Variants in TENM2 observed in about 807,000 individuals in gnomAD.
TENM2 encodes the protein teneurin-2.
Under a neutral mutation model 245.2 loss-of-function variants are expected in TENM2, and 52 were observed. That is an observed-to-expected ratio of 0.21 (90% CI 0.17 to 0.27). The LOEUF (loss-of-function observed/expected upper bound fraction) is 0.27, where lower values mean the gene tolerates loss of function less well. Among genes scored for constraint, TENM2 ranks in the 10% least tolerant of loss-of-function variants. The pLI is 1.00. For missense variants in TENM2, 3,046 were observed against 3,666.8 expected, an observed-to-expected ratio of 0.83 and a Z score of 4.37; for synonymous variants, 1,363 against 1,438.9, an observed-to-expected ratio of 0.95 and a Z score of 1.19.
At chr5:167,465,077 C>T (rs1003568824) in intron 2 of TENM2, among the ~76,000 whole-genome samples, 1 of 152,200 alleles carries the variant, frequency 6.6e-6, no homozygotes, top group Non-Finnish European at 1.5e-5. Flanking sequence ...TTTGGATATT[C>T]ACACATTACT....
chr5:168,077,132 C>T (rs541760717), intron 7 of TENM2, among the ~76,000 whole-genome samples: 1 of 152,102 alleles, frequency 6.6e-6, no homozygotes, highest in Non-Finnish European at 1.5e-5. Flanking sequence ...TCACTTAGAG[C>T]GTGCCTGGCC....
intron 2 of TENM2, among the ~76,000 whole-genome samples, chr5:167,787,568 A>C (rs1246915317): frequency 6.6e-6 from 1 of 152,144 alleles, no homozygotes; most frequent in Non-Finnish European, 1.5e-5. Context: ...CATCCATCCT[A>C]TGTTCTATCA....
At chr5:167,040,916 G>A in the TENM2 span, among the ~76,000 whole-genome samples, 1 of 152,258 alleles carries the variant, frequency 6.6e-6, no homozygotes, top group South Asian at 2.1e-4. Context: ...AGCCTATTAA[G>A]AGAATCGTGA....
At chr5:167,149,981 AG>A in the TENM2 span, among the ~76,000 whole-genome samples, 1 of 152,184 alleles carries the variant, frequency 6.6e-6, no homozygotes, top group Non-Finnish European at 1.5e-5. Context: ...AAGAATGAAA[AG>A]ATAAAAGGAA....
At chr5:167,472,782 C>T (rs767654519) in intron 2 of TENM2, among the ~76,000 whole-genome samples, 5 of 152,154 alleles carry the variant, frequency 3.3e-5, no homozygotes, top group Non-Finnish European at 7.3e-5. Flanking sequence ...ATAAATGCTA[C>T]GTGTGAAGTT....
the TENM2 span, among the ~76,000 whole-genome samples, chr5:167,225,026 T>C: frequency 2.0e-5 from 3 of 152,066 alleles, no homozygotes; most frequent in African/African-American, 7.2e-5. Context: ...TGTATAGAAA[T>C]GCTATTGATT....
intron 1 of TENM2, among the ~76,000 whole-genome samples, chr5:167,360,172 A>G (rs1759619913): frequency 6.6e-6 from 1 of 152,182 alleles, no homozygotes; most frequent in South Asian, 2.1e-4. Context: ...ACCTAAAATA[A>G]AAGTTTTTAA....
At chr5:167,352,792 A>G (rs893107030) in intron 1 of TENM2, among the ~76,000 whole-genome samples, 8 of 152,230 alleles carry the variant, frequency 5.3e-5, no homozygotes, top group Non-Finnish European at 8.8e-5. Flanking sequence ...ATGGTTGTCA[A>G]AGTCGGCATT....
Position 167,350,747 on chromosome 5 carries a change from G to GGGATATATACATAT in TENM2, c.227-24441_227-24428dup, listed in dbSNP as rs1758819952. The stretch of plus-strand genomic sequence containing the variant: ...TATATACATATGGATATATATATAT[G>GGGATATATACATAT]GGATATATACATATGGATATATATA... On this transcript the variant is annotated intron_variant, in intron 1 of 28. Transcript: ENST00000518659. Among the ~76,000 whole-genome samples, 4 of 135,874 alleles carry GGGATATATACATAT rather than the reference G, an allele frequency of 2.9e-5. No individual in the cohort carries two copies. In the South Asian group the frequency reaches 7.4e-4, roughly 25 times the overall value. The allele number at this position is 135,874 out of a possible 152,430, so 89.1% of individuals were successfully genotyped here.
At chr5:167,540,451 G>A (rs547767323) in intron 2 of TENM2, among the ~76,000 whole-genome samples, 87 of 152,272 alleles carry the variant, frequency 5.7e-4, no homozygotes, top group African/African-American at 1.9e-3. Context: ...TTCATGACAC[G>A]TGAAAATTAA....
chr5:167,200,337 A>G, the TENM2 span, among the ~76,000 whole-genome samples: 1 of 152,032 alleles, frequency 6.6e-6, no homozygotes, highest in Non-Finnish European at 1.5e-5. Flanking sequence ...CAGTTTGACC[A>G]AAGTCCTTTG....
At chr5:168,168,074 C>T (rs886845658) in intron 13 of TENM2, among the ~76,000 whole-genome samples, 8 of 152,136 alleles carry the variant, frequency 5.3e-5, no homozygotes, top group African/African-American at 1.2e-4. Flanking sequence ...TTTAGTGCTG[C>T]GTGACTGTGT....
At chr5:167,258,598 T>C in the TENM2 span, among the ~76,000 whole-genome samples, 1 of 152,160 alleles carries the variant, frequency 6.6e-6, no homozygotes, top group Non-Finnish European at 1.5e-5. Flanking sequence ...TAGAATTCTA[T>C]TATATCATTT....
rs1188252170 is a variant in TENM2 at position 167,780,610 on chromosome 5, G to A, written c.503-95376G>A. Among the ~76,000 whole-genome samples, 4 of 152,146 alleles carry A rather than the reference G, an allele frequency of 2.6e-5. No individual in the cohort carries two copies. The South Asian group carries it at 6.2e-4, about 24-fold the overall frequency. ...GAAATACATGTGTTGGATGAGTTTC[G>A]TTCAGGCCTGAGTTGCAGTGCTGCT... On this transcript the variant is annotated intron_variant, in intron 2 of 28. Transcript: ENST00000518659.
Position 167,407,522 on chromosome 5 carries a change from G to C in TENM2, c.502+32049G>C, listed in dbSNP as rs531522585. On this transcript the variant is annotated intron_variant, in intron 2 of 28. Coordinates refer to ENST00000518659, the Ensembl canonical transcript of TENM2. Reference sequence around the variant, plus strand: ...TAAATCTAATGAAAAAGAATCTTTTGTAGAAAAAAAAATGGCCAGATGTGG... The same window carrying C: ...TAAATCTAATGAAAAAGAATCTTTTCTAGAAAAAAAAATGGCCAGATGTGG... 5.3e-5 allele frequency among the ~76,000 whole-genome samples: 8 copies of C among 152,040 alleles called. No homozygotes were observed. In the East Asian group the frequency reaches 1.6e-3, roughly 29 times the overall value.
At chr5:167,515,191 T>C (rs1315032246) in intron 2 of TENM2, among the ~76,000 whole-genome samples, 1 of 152,156 alleles carries the variant, frequency 6.6e-6, no homozygotes, top group Non-Finnish European at 1.5e-5. Context: ...AAATTCGCTT[T>C]GCCAATGACA....
chr5:167,280,457 G>A (rs1269486837), upstream of TENM2, among the ~76,000 whole-genome samples: 1 of 152,120 alleles, frequency 6.6e-6, no homozygotes, highest in Non-Finnish European at 1.5e-5. Flanking sequence ...TGAAAGTCCT[G>A]GCTCTCCTGT....
chr5:168,191,003 T>C (rs1321288699), intron 14 of TENM2: 2 of 156,070 alleles, frequency 1.3e-5, no homozygotes, highest in East Asian at 3.8e-4. Context: ...AAGATGTTGG[T>C]TGCAAGGATT....
At chr5:167,109,855 G>A in the TENM2 span, among the ~76,000 whole-genome samples, 2 of 152,146 alleles carry the variant, frequency 1.3e-5, no homozygotes, top group Non-Finnish European at 1.5e-5. Flanking sequence ...GTGGTCCTTA[G>A]GGCCTTGGAG....
Sources: gnomAD v4.1 joint callset for allele counts (sites outside exome capture counted in the v4.1 genomes callset) on GRCh38, gnomAD v4.1.1 for gene constraint, MANE v1.5 for transcripts, NCBI Gene and HGNC (gene_info 2026-07-23, HGNC 2026-07-21) for gene names.